The following NKD1 variants were observed in gnomAD, a reference collection of about 807,000 sequenced individuals.
The protein encoded by NKD1 is NKD inhibitor of Wnt signaling pathway 1, also known as protein naked cuticle homolog 1.
Under a neutral mutation model 56.0 loss-of-function variants are expected in NKD1, and 21 were observed. That is an observed-to-expected ratio of 0.38 (90% CI 0.27 to 0.54). NKD1 has a LOEUF of 0.54. NKD1 is among the 20% of genes least tolerant of loss of function. The probability of loss-of-function intolerance (pLI) is 0.82; values close to 1 mark genes in which losing one functional copy is unlikely to be tolerated. For missense variants in NKD1, 578 were observed against 642.7 expected (o/e 0.90, Z 1.09); for synonymous variants, 263 against 265.7 (o/e 0.99, Z 0.10).
rs71928407 is a variant in NKD1 at position 50,623,725 on chromosome 16, CTGTGTGTGTGTGTGTGTG to C, written c.367-1738_367-1721del. Among the ~76,000 whole-genome samples, 2 of 141,548 alleles carry C rather than the reference CTGTGTGTGTGTGTGTGTG, an allele frequency of 1.4e-5. No homozygotes were observed. The highest frequency in any genetic ancestry group is 3.1e-5 in the Non-Finnish European group (2 of 64,762). 92.9% of individuals were successfully genotyped at this position (141,548 alleles called of 152,430 possible). On this transcript the variant is annotated intron_variant, in intron 5 of 9. Coordinates refer to ENST00000268459, the MANE Select transcript of NKD1 (RefSeq NM_033119.5). This position sits in a 1 kb window ranked among gnomAD's most constrained non-coding sequence, Gnocchi z 4.1. ...AAGCTGTCTTGGAAACAGGTAAGTG[CTGTGTGTGTGTGTGTGTG>C]TGTGTGTGTGTGTGTGTGTGTACAC...
At chr16:50,592,644 C>T (rs760336198) in intron 3 of NKD1, among the ~76,000 whole-genome samples, 22 of 152,200 alleles carry the variant, frequency 1.4e-4, no homozygotes, top group Non-Finnish European at 2.6e-4. Flanking sequence ...CCAAAGGCTG[C>T]AAGGAGGATG....
chr16:50,559,070 G>A (rs1357788074), intron 3 of NKD1, among the ~76,000 whole-genome samples: 3 of 152,234 alleles, frequency 2.0e-5, no homozygotes, highest in East Asian at 1.9e-4. Context: ...TCCCCAGCTC[G>A]GTGGCCTTGG....
In NKD1 at chr16:50,554,105, G is replaced by A. The variant is rs148703694; in HGVS notation, c.192+4550G>A. On this transcript the variant is annotated intron_variant, in intron 3 of 9. Coordinates refer to ENST00000268459, the MANE Select transcript of NKD1 (RefSeq NM_033119.5). ...CCTCACTTTGAGACTTTTCTTCTTG[G>A]GGAAGGAGGCTGGATGCCCCTGAGC... is the stretch of plus-strand genomic sequence containing the variant. 5.6e-4 allele frequency among the ~76,000 whole-genome samples: 85 copies of A among 152,288 alleles called. 3 individuals are homozygous for A. In the East Asian group the frequency reaches 0.014, roughly 25 times the overall value.
chr16:50,566,213 G>A (rs1344231755), intron 3 of NKD1: 10 of 984,114 alleles, frequency 1.0e-5, no homozygotes, highest in Non-Finnish European at 1.2e-5. Context: ...ATACAGTCAA[G>A]TTCTTGGCTT....
At position 50,638,230 on chromosome 16, in the gene NKD1, G is replaced by A. The variant is rs757085946; in HGVS notation, c.*4449G>A. ...CCTGTCAGTGCTCTCAGGAATGAAAGGGGACCCCTGAGAGGTGCTCAGTAC... is the reference window on the plus strand; with the variant it reads ...CCTGTCAGTGCTCTCAGGAATGAAAAGGGACCCCTGAGAGGTGCTCAGTAC... On this transcript the variant is annotated 3_prime_UTR_variant, in exon 10 of 10. Coordinates refer to ENST00000268459, the MANE Select transcript of NKD1 (RefSeq NM_033119.5). 2.6e-5 allele frequency: 4 copies of A among 152,246 alleles called. No homozygotes were observed. The highest frequency in any genetic ancestry group is 2.0e-4 in the Admixed American group (3 of 15,294). The allele number at this position is 152,246 out of a possible 1,614,324, so 9.4% of individuals were successfully genotyped here.
intron 3 of NKD1, among the ~76,000 whole-genome samples, chr16:50,583,242 T>TTGCTTTTG (rs1961157096): frequency 6.6e-6 from 1 of 152,174 alleles, no homozygotes; most frequent in Admixed American, 6.5e-5. Context: ...CTGGCAGCTT[T>TTGCTTTTG]TGCTTTTGTG....
At chr16:50,622,336 T>C (rs911042748) in intron 5 of NKD1, among the ~76,000 whole-genome samples, 1 of 152,036 alleles carries the variant, frequency 6.6e-6, no homozygotes, top group Non-Finnish European at 1.5e-5. Flanking sequence ...AAGGGGACAG[T>C]TGAGTGCCCC....
intron 3 of NKD1, among the ~76,000 whole-genome samples, chr16:50,586,255 C>T (rs1029944986): frequency 3.9e-5 from 6 of 152,198 alleles, no homozygotes; most frequent in Middle Eastern, 3.4e-3. Flanking sequence ...CTTGTAGATA[C>T]CAGCACGTGG....
At chr16:50,572,094 C>T (rs1266241697) in intron 3 of NKD1, among the ~76,000 whole-genome samples, 2 of 152,212 alleles carry the variant, frequency 1.3e-5, no homozygotes, top group African/African-American at 2.4e-5. Context: ...GGATGGAGCT[C>T]TCACATGTGC....
chr16:50,560,182 G>A (rs1382999432), intron 3 of NKD1, among the ~76,000 whole-genome samples: 1 of 152,198 alleles, frequency 6.6e-6, no homozygotes, highest in African/African-American at 2.4e-5. Flanking sequence ...CCTTTTCAGC[G>A]GGCACTGGGG....
At chr16:50,590,344 A>T (rs1444576644) in intron 3 of NKD1, among the ~76,000 whole-genome samples, 2 of 152,250 alleles carry the variant, frequency 1.3e-5, no homozygotes, top group East Asian at 3.8e-4. Flanking sequence ...ATGGAGGAAG[A>T]AAAAAATCCC....
At chr16:50,613,452 C>G (rs1470913222) in intron 4 of NKD1, 1 of 152,192 alleles carries the variant, frequency 6.6e-6, no homozygotes, top group East Asian at 1.9e-4. Context: ...GGGGCAGGTG[C>G]CCATGCCCCG....
chr16:50,550,194 A>T (rs1235374415), intron 3 of NKD1, among the ~76,000 whole-genome samples: 1 of 151,760 alleles, frequency 6.6e-6, no homozygotes, highest in Non-Finnish European at 1.5e-5. Context: ...ACTAAGTGTG[A>T]TGGGAATGAG....
intron 3 of NKD1, chr16:50,575,237 T>C: frequency 2.0e-6 from 2 of 985,308 alleles, no homozygotes; most frequent in Non-Finnish European, 2.4e-6. Context: ...GGCTGAGAGA[T>C]AGGGAGGCCA....
chr16:50,633,148 C>A lies in NKD1; in HGVS notation c.824-44C>A, dbSNP rs1182416102. The stretch of plus-strand genomic sequence containing the variant: ...GTCTGGGGTATAGCGCAAGCCCCAG[C>A]ACACAGTAGGTGCTCATTAAATGTC... On this transcript the variant is annotated intron_variant, in intron 9 of 9. Transcript: ENST00000268459. The surrounding 1 kb of genome is among the most constrained non-coding windows in gnomAD (Gnocchi z 4.9). 1 of 1,544,530 alleles carries A rather than the reference C, an allele frequency of 6.5e-7. No individual in the cohort carries two copies. Among genetic ancestry groups the A allele is most frequent in the Non-Finnish European group, 8.8e-7 (1 of 1,137,940 alleles).
Position 50,630,713 on chromosome 16 carries a change from C to T in NKD1, c.611-113C>T, listed in dbSNP as rs144119656. 1,266 of 883,798 alleles carry T rather than the reference C, an allele frequency of 1.4e-3. 27 individuals are homozygous for T. In the East Asian group the frequency reaches 0.029, roughly 20 times the overall value. 54.7% of individuals were successfully genotyped at this position (883,798 alleles called of 1,614,324 possible). On this transcript the variant is annotated intron_variant, in intron 7 of 9. Coordinates refer to ENST00000268459, the MANE Select transcript of NKD1 (RefSeq NM_033119.5). ...GAGACCCCTTTATTTAGCCCCAGCT[C>T]AGGGAACCCTCCCACAGTGGCCTTG... is the stretch of plus-strand genomic sequence containing the variant.
rs749024400 is a variant in NKD1, at chr16:50,630,812, C to T, written c.611-14C>T. The T allele has an allele frequency of 1.0e-5, 16 of 1,579,430 alleles. No individual in the cohort carries two copies. The African/African-American group carries it at 1.1e-4, about 11-fold the overall frequency. ...CTCACCTGGTGTCTCCTGTGCTTCTCGGGCCGGACTCAGACCTGCAGAGCG... is the reference window on the plus strand; with the variant it reads ...CTCACCTGGTGTCTCCTGTGCTTCTTGGGCCGGACTCAGACCTGCAGAGCG... On this transcript the variant is annotated splice_polypyrimidine_tract_variant and intron_variant, in intron 7 of 9. Coordinates refer to ENST00000268459, the MANE Select transcript of NKD1 (RefSeq NM_033119.5).
intron 3 of NKD1, among the ~76,000 whole-genome samples, chr16:50,560,697 A>C (rs1254886656): frequency 6.6e-6 from 1 of 151,980 alleles, no homozygotes; most frequent in African/African-American, 2.4e-5. Context: ...TTAGTGACCA[A>C]AATGAAATAG....
At chr16:50,616,803 C>A (rs1567350321) in intron 4 of NKD1, among the ~76,000 whole-genome samples, 1 of 152,290 alleles carries the variant, frequency 6.6e-6, no homozygotes, top group African/African-American at 2.4e-5. Context: ...AAAAAGCTGC[C>A]CCTCCTCAAG....
Sources: gnomAD v4.1 joint callset for allele counts (sites outside exome capture counted in the v4.1 genomes callset) on GRCh38, gnomAD v4.1.1 for gene constraint, Gnocchi (gnomAD v3.1) non-coding constraint, MANE v1.5 for transcripts, NCBI Gene and HGNC (gene_info 2026-07-23, HGNC 2026-07-21) for gene names.